The following FGGY variants were observed in gnomAD, a reference collection of about 807,000 sequenced individuals.
The protein encoded by FGGY is FGGY carbohydrate kinase domain-containing protein.
In FGGY, 72 loss-of-function variants were observed where a neutral mutation model predicts 71.3. The ratio of observed to expected loss-of-function variants is 1.01; its 90% confidence interval spans 0.84 to 1.23. The LOEUF (loss-of-function observed/expected upper bound fraction) is 1.23. Ranked by LOEUF, FGGY falls within the 50% of genes most tolerant of loss-of-function variation. FGGY has a pLI of 0.00. For missense variants in FGGY, 668 were observed against 682.3 expected (o/e 0.98, Z 0.23); for synonymous variants, 251 against 250.3 (o/e 1.00, Z -0.02).
At chr1:59,708,531 G>A (rs750170099) in intron 14 of FGGY, among the ~76,000 whole-genome samples, 4 of 152,156 alleles carry the variant, frequency 2.6e-5, no homozygotes, top group Non-Finnish European at 5.9e-5. Context: ...AAAGAGGAAA[G>A]GGACAAATAG....
chr1:59,452,193 T>A (rs2072905500), intron 5 of FGGY, among the ~76,000 whole-genome samples: 1 of 152,072 alleles, frequency 6.6e-6, no homozygotes, highest in Non-Finnish European at 1.5e-5. Flanking sequence ...TCTTATCTCT[T>A]CCATCATTAT....
At chr1:59,351,586 A>G (rs1437579781) in intron 4 of FGGY, among the ~76,000 whole-genome samples, 2 of 152,214 alleles carry the variant, frequency 1.3e-5, no homozygotes, top group Admixed American at 6.5e-5. Context: ...CCTTAACCAA[A>G]TGGCTGGTGC....
chr1:59,760,178 T>C (rs572496010), intron 15 of FGGY, among the ~76,000 whole-genome samples: 3 of 152,326 alleles, frequency 2.0e-5, no homozygotes, highest in Non-Finnish European at 4.4e-5. Context: ...AAAGAAGATT[T>C]ATAAATGACC....
intron 4 of FGGY, among the ~76,000 whole-genome samples, chr1:59,374,731 T>C (rs1261991995): frequency 6.6e-6 from 1 of 150,602 alleles, no homozygotes; most frequent in Admixed American, 6.6e-5. Context: ...GCCATAAAAA[T>C]GTTGAGTTCA....
chr1:59,381,172 C>T (rs1383368684), intron 5 of FGGY, among the ~76,000 whole-genome samples: 1 of 152,078 alleles, frequency 6.6e-6, no homozygotes, highest in African/African-American at 2.4e-5. Context: ...GGTACCAGTA[C>T]CATGCTGTTT....
At chr1:59,741,676 G>A (rs181263056) in intron 14 of FGGY, among the ~76,000 whole-genome samples, 155 of 152,116 alleles carry the variant, frequency 1.0e-3, no homozygotes, top group Non-Finnish European at 1.5e-3. Context: ...CGGGCGAGGC[G>A]CGGTGGCTGA....
rs372943428 is a variant in FGGY, at chr1:59,603,485, A to C, written c.904-4318A>C. The stretch of plus-strand genomic sequence containing the variant: ...CTCATTTCAAGGAGAGCTAACGTTT[A>C]TTTGGTGTTTAACATATAATAAACC... On this transcript the variant is annotated intron_variant, in intron 8 of 15. Transcript: ENST00000303721. Among the ~76,000 whole-genome samples the C allele has an allele frequency of 1.3e-3, 200 of 152,314 alleles. 1 individual carries two copies. The highest frequency in any genetic ancestry group is 4.7e-3 in the African/African-American group (196 of 41,566).
rs148250951 is a variant in FGGY, at chr1:59,555,637, T to G, written c.903+1410T>G. Among the ~76,000 whole-genome samples, 119 of 152,316 alleles carry G rather than the reference T, an allele frequency of 7.8e-4. 1 individual carries two copies. Among genetic ancestry groups the G allele is most frequent in the Admixed American group, 6.5e-3 (99 of 15,294 alleles). ...TTGAGGTGACATTTGTGCTGGACTT[T>G]AAGGAAATAGATTTCCTTCTGTTTG... On this transcript the variant is annotated intron_variant, in intron 8 of 15. Coordinates refer to ENST00000303721, the MANE Select transcript of FGGY (RefSeq NM_018291.5).
intron 7 of FGGY, among the ~76,000 whole-genome samples, chr1:59,549,553 A>G (rs1187250931): frequency 6.6e-6 from 1 of 152,182 alleles, no homozygotes; most frequent in Non-Finnish European, 1.5e-5. Flanking sequence ...TAAAATACAC[A>G]TATCACAGGA....
chr1:59,519,213 A>G (rs908167403), intron 7 of FGGY, among the ~76,000 whole-genome samples: 3 of 152,220 alleles, frequency 2.0e-5, no homozygotes, highest in South Asian at 2.1e-4. Context: ...CTATTTAAAC[A>G]TGATCCACTC....
At chr1:59,604,573 C>G (rs1259566227) in intron 8 of FGGY, among the ~76,000 whole-genome samples, 1 of 152,192 alleles carries the variant, frequency 6.6e-6, no homozygotes, top group East Asian at 1.9e-4. Flanking sequence ...GCAGCTGATG[C>G]AGTAACATCC....
intron 7 of FGGY, among the ~76,000 whole-genome samples, chr1:59,532,817 G>GA (rs1477663540): frequency 6.6e-6 from 1 of 151,948 alleles, no homozygotes; most frequent in East Asian, 1.9e-4. Context: ...GAATTAGAAA[G>GA]AAAGAAAGCT....
chr1:59,425,653 G>A (rs562142360), intron 5 of FGGY, among the ~76,000 whole-genome samples: 47 of 152,108 alleles, frequency 3.1e-4, no homozygotes, highest in South Asian at 4.1e-4. Flanking sequence ...CATGATTCTC[G>A]CCTCTGTCTA....
chr1:59,609,353 A>C (rs12063049), intron 9 of FGGY, among the ~76,000 whole-genome samples: 4,569 of 152,342 alleles, frequency 0.03, 236 homozygotes, highest in African/African-American at 0.1. Flanking sequence ...GTATGTGGAC[A>C]TGTTCATAAC....
intron 2 of FGGY, among the ~76,000 whole-genome samples, chr1:59,333,161 C>T (rs904632776): frequency 6.6e-6 from 1 of 152,200 alleles, no homozygotes; most frequent in African/African-American, 2.4e-5. Flanking sequence ...CCCAAACTGC[C>T]TTGTGGTATG....
intron 7 of FGGY, among the ~76,000 whole-genome samples, chr1:59,522,699 A>G (rs1406138754): frequency 2.6e-5 from 4 of 152,152 alleles, no homozygotes. Context: ...TGGAATAGGG[A>G]AGGTATTTTT....
At chr1:59,444,036 A>C (rs955858052) in intron 5 of FGGY, among the ~76,000 whole-genome samples, 12 of 152,100 alleles carry the variant, frequency 7.9e-5, no homozygotes, top group African/African-American at 2.7e-4. Flanking sequence ...TGAGTGAGAA[A>C]CCCAACATTA....
At chr1:59,636,023 A>G (rs2096955306) in intron 10 of FGGY, among the ~76,000 whole-genome samples, 1 of 152,172 alleles carries the variant, frequency 6.6e-6, no homozygotes, top group South Asian at 2.1e-4. Context: ...ACATTTAGGG[A>G]ATGGCAACTG....
At chr1:59,644,370 A>T in intron 11 of FGGY, among the ~76,000 whole-genome samples, 1 of 152,148 alleles carries the variant, frequency 6.6e-6, no homozygotes, top group East Asian at 1.9e-4. Flanking sequence ...TTTTGATGAT[A>T]CAATATCAGC....
Sources: gnomAD v4.1 joint callset for allele counts (sites outside exome capture counted in the v4.1 genomes callset) on GRCh38, gnomAD v4.1.1 for gene constraint, MANE v1.5 for transcripts, NCBI Gene and HGNC (gene_info 2026-07-23, HGNC 2026-07-21) for gene names.